WWC1: variants seen among roughly 807,000 people sequenced by gnomAD.
The protein encoded by WWC1 is WW and C2 domain containing 1.
In WWC1, 55 loss-of-function variants were observed where a neutral mutation model predicts 138.4. The observed-to-expected ratio is 0.40, with a 90% CI of 0.32 to 0.50. WWC1 has a LOEUF of 0.50. Ranked by LOEUF, WWC1 falls within the 20% of genes least tolerant of loss-of-function variation. The pLI, the probability that WWC1 is intolerant of heterozygous loss-of-function variation, is 0.72. For missense variants in WWC1, 1,226 were observed against 1,420.4 expected, an observed-to-expected ratio of 0.86 and a Z score of 2.20; for synonymous variants, 524 against 564.9, an observed-to-expected ratio of 0.93 and a Z score of 1.03.
chr5:168,424,041 G>C lies in WWC1; in HGVS notation c.1783G>C (p.Gly595Arg), dbSNP rs1781328999. ...GGAAAGATACCGGCTGGAGGAACCA[G>C]GAACGGAGGGCAAGCAGCTGGGCCA... ...AQERYRLEEP[G>R]TEGKQLGQAV... The change falls in exon 11 of 23, where the codon GGA (glycine) becomes CGA (arginine). Residue 595 changes from glycine to arginine, a missense_variant. Physicochemically the swap from Gly to Arg is moderately radical, Grantham distance 125. This residue lies in a region of WWC1 where 1,016 missense variants were observed against 1,153.9 expected (regional missense o/e 0.88). Transcript: ENST00000265293. 1 of 1,607,574 alleles carries C rather than the reference G, an allele frequency of 6.2e-7. No individual in the cohort carries two copies. Among genetic ancestry groups the C allele is most frequent in the Non-Finnish European group, 8.5e-7 (1 of 1,176,782 alleles).
chr5:168,462,351 TG>T (rs1756892517), intron 20 of WWC1, among the ~76,000 whole-genome samples: 1 of 152,174 alleles, frequency 6.6e-6, no homozygotes, highest in Non-Finnish European at 1.5e-5. Flanking sequence ...CTGCCCACTC[TG>T]GGTCCCCCAC....
chr5:168,299,077 C>T (rs556010704), intron 1 of WWC1, among the ~76,000 whole-genome samples: 3 of 152,238 alleles, frequency 2.0e-5, no homozygotes, highest in South Asian at 2.1e-4. Context: ...AAGGGCGAAA[C>T]GCCATCTCAA....
At chr5:168,303,562 T>G (rs1770282930) in intron 1 of WWC1, among the ~76,000 whole-genome samples, 1 of 152,070 alleles carries the variant, frequency 6.6e-6, no homozygotes, top group Non-Finnish European at 1.5e-5. Context: ...TGAGCCATGT[T>G]TACATCATTG....
chr5:168,458,451 C>A (rs1449470925), intron 19 of WWC1, among the ~76,000 whole-genome samples: 1 of 152,130 alleles, frequency 6.6e-6, no homozygotes, highest in Admixed American at 6.6e-5. Flanking sequence ...CTGGGTGCCT[C>A]CCTTGTTCGA....
intron 6 of WWC1, 102 bp from the exon 7 acceptor site, chr5:168,408,405 C>G: frequency 7.2e-7 from 1 of 1,393,492 alleles, no homozygotes; most frequent in Non-Finnish European, 9.8e-7. Context: ...GGCACAGGTT[C>G]CTAAATTAAG....
At chr5:168,421,121 A>G (rs1406603549) in intron 9 of WWC1, among the ~76,000 whole-genome samples, 1 of 152,154 alleles carries the variant, frequency 6.6e-6, no homozygotes, top group Non-Finnish European at 1.5e-5. Flanking sequence ...GCAGCCTTCC[A>G]TGTGGTCATT....
At chr5:168,446,294 T>C (rs1432947031) in intron 17 of WWC1, among the ~76,000 whole-genome samples, 2 of 128,160 alleles carry the variant, frequency 1.6e-5, no homozygotes, top group Non-Finnish European at 3.2e-5. Flanking sequence ...GTTGAAGACA[T>C]GCTATTGCCG....
chr5:168,330,770 G>A (rs916044793), intron 1 of WWC1, among the ~76,000 whole-genome samples: 1 of 152,124 alleles, frequency 6.6e-6, no homozygotes, highest in Non-Finnish European at 1.5e-5. Context: ...TCGGGTTTGG[G>A]GGCTACAGGG....
chr5:168,468,389 C>T (rs912792791), intron 22 of WWC1, among the ~76,000 whole-genome samples: 2 of 151,892 alleles, frequency 1.3e-5, no homozygotes, highest in Middle Eastern at 3.4e-3. Flanking sequence ...GGTGTATTCT[C>T]GGAGGGTCCC....
At chr5:168,383,631 T>TG (rs1285579975) in intron 2 of WWC1, among the ~76,000 whole-genome samples, 2 of 152,190 alleles carry the variant, frequency 1.3e-5, no homozygotes, top group Non-Finnish European at 2.9e-5. Context: ...GAACCCAAGG[T>TG]GGCCAGAACT....
chr5:168,357,498 G>GCA (rs1246673081), intron 1 of WWC1, among the ~76,000 whole-genome samples: 8 of 140,312 alleles, frequency 5.7e-5, no homozygotes, highest in Admixed American at 1.4e-4. Context: ...GTGTGTGCGC[G>GCA]CGCGCACGCA....
At chr5:168,301,021 G>A (rs575607697) in intron 1 of WWC1, among the ~76,000 whole-genome samples, 1 of 152,300 alleles carries the variant, frequency 6.6e-6, no homozygotes, top group African/African-American at 2.4e-5. Context: ...ATCACTAACA[G>A]TGAGAACAAT....
chr5:168,329,929 G>T (rs1177402179), intron 1 of WWC1, among the ~76,000 whole-genome samples: 1 of 151,966 alleles, frequency 6.6e-6, no homozygotes, highest in Non-Finnish European at 1.5e-5. Context: ...GGCCAACATG[G>T]TGAAACCCTG....
chr5:168,332,664 C>T (rs1773132219), intron 1 of WWC1, among the ~76,000 whole-genome samples: 1 of 151,820 alleles, frequency 6.6e-6, no homozygotes, highest in Non-Finnish European at 1.5e-5. Flanking sequence ...TTTCTTGTTA[C>T]TTGTATTTGT....
intron 1 of WWC1, among the ~76,000 whole-genome samples, chr5:168,342,531 C>T (rs993225236): frequency 1.3e-5 from 2 of 152,124 alleles, no homozygotes; most frequent in Admixed American, 6.6e-5. Context: ...TCATGCTGAC[C>T]GGATTTCTGT....
intron 1 of WWC1, among the ~76,000 whole-genome samples, chr5:168,326,460 G>A (rs11739783): frequency 2.6e-5 from 4 of 151,702 alleles, no homozygotes; most frequent in East Asian, 1.9e-4. Context: ...CAGGTGATCC[G>A]CCCGCCTCAG....
In WWC1 at chr5:168,454,004, C is replaced by T. The variant is rs181309891; in HGVS notation, c.2562C>T (p.Ala854=). 38 of 1,604,792 alleles carry T rather than the reference C, an allele frequency of 2.4e-5. No individual in the cohort carries two copies. The highest frequency in any genetic ancestry group is 2.6e-5 in the Non-Finnish European group (31 of 1,179,114). The change falls in exon 18 of 23, where the codon GCC becomes GCT. Residue 854 remains alanine, a synonymous_variant. Transcript: ENST00000265293. The part of the protein sequence containing the change: ...YEETSENEAV[A]EEEEEEVEEE... ...AGACCAGTGAGAATGAGGCAGTAGC[C>T]GAGGAAGAGGAGGAGGAGGTGGAGG...
intron 10 of WWC1, 49 bp from the exon 11 acceptor site, chr5:168,423,484 C>T: frequency 6.4e-7 from 1 of 1,555,554 alleles, no homozygotes; most frequent in Non-Finnish European, 8.7e-7. Flanking sequence ...TCTCAGGGGG[C>T]CCACTTCACT....
intron 1 of WWC1, among the ~76,000 whole-genome samples, chr5:168,336,585 A>C (rs1022329328): frequency 7.9e-5 from 12 of 151,348 alleles, no homozygotes; most frequent in African/African-American, 2.7e-4. Flanking sequence ...AAAAAAAAAA[A>C]AAAAAAAAAA....
Sources: allele counts gnomAD v4.1 joint callset (sites outside exome capture counted in the v4.1 genomes callset), GRCh38; gene constraint gnomAD v4.1.1; regional missense constraint gnomAD v4.1.1; transcripts MANE v1.5; gene names NCBI Gene and HGNC (gene_info 2026-07-23, HGNC 2026-07-21).